Variants in KRTAP5-5 observed in about 807,000 individuals in gnomAD.
The protein encoded by KRTAP5-5 is keratin-associated protein 5-5.
In KRTAP5-5, 1 loss-of-function variant was observed where a neutral mutation model predicts 2.8. The observed-to-expected ratio is 0.35, with a 90% CI of 0.13 to 1.67. The LOEUF is 1.67. Ranked by LOEUF, KRTAP5-5 falls within the 40% of genes most tolerant of loss-of-function variation. KRTAP5-5 has a pLI of 0.35. For synonymous variants in KRTAP5-5, 83 were observed against 110.6 expected (o/e 0.75, Z 1.57); for missense variants, 134 against 270.9 (o/e 0.49, Z 3.55).
exon 1 of KRTAP5-5, chr11:1,629,911 G>A (rs1273147678): frequency 1.2e-6 from 2 of 1,602,058 alleles, no homozygotes; most frequent in Non-Finnish European, 8.5e-7. Context: ...TGTGGGGGCT[G>A]TGGCTCCGGC....
chr11:1,630,632 T>C, exon 1 of KRTAP5-5: 1 of 1,571,130 alleles, frequency 6.4e-7, no homozygotes, highest in Middle Eastern at 1.7e-4. Context: ...GGTTCTCTGG[T>C]GCTCCACTGT....
exon 1 of KRTAP5-5, chr11:1,629,839 C>A (rs1268845476): frequency 6.6e-7 from 1 of 1,518,938 alleles, no homozygotes; most frequent in African/African-American, 1.5e-5. Context: ...TCCACCAGAA[C>A]CATGGGCTGC....
At chr11:1,630,785 C>A, downstream of KRTAP5-5, 1 of 654,280 alleles carries the variant, frequency 1.5e-6, no homozygotes, top group Non-Finnish European at 2.7e-6. Context: ...AAGCGGCCCA[C>A]TGAGGCCCCA....
rs531351393 is a variant in KRTAP5-5 at position 1,629,823 on chromosome 11, C to A, written c.-18C>A. On this transcript the variant is annotated 5_prime_UTR_variant, in exon 1 of 1. Transcript: ENST00000399676. ...TCACCTGCTCCTCTACCTGCTCCAC[C>A]CTCAATCCACCAGAACCATGGGCTG... The A allele has an allele frequency of 2.5e-6, 4 of 1,609,972 alleles. No individual in the cohort carries two copies. In the African/African-American group the frequency reaches 5.4e-5, roughly 22 times the overall value.
chr11:1,630,254 C>G (rs369404931), exon 1 of KRTAP5-5: 1 of 1,508,110 alleles, frequency 6.6e-7, no homozygotes, highest in East Asian at 2.4e-5. Flanking sequence ...CCAAGGGGGG[C>G]TGTGGCTCCT....
In KRTAP5-5 at chr11:1,630,662, G is replaced by A; in HGVS notation, c.*108G>A. 5.5e-6 allele frequency: 8 copies of A among 1,448,194 alleles called. No individual in the cohort carries two copies. The South Asian group carries it at 7.4e-5, about 13-fold the overall frequency. 89.7% of individuals were successfully genotyped at this position (1,448,194 alleles called of 1,614,324 possible). On this transcript the variant is annotated 3_prime_UTR_variant, in exon 1 of 1. Transcript: ENST00000399676. ...CACTGTCTCCACTGTGTCCTCACTG[G>A]CTTCATCCACTCCACACCAGTGCTC...
chr11:1,630,669 C>G, exon 1 of KRTAP5-5: 4 of 1,373,962 alleles, frequency 2.9e-6, no homozygotes, highest in East Asian at 4.6e-5. Context: ...CTGGCTTCAT[C>G]CACTCCACAC....
At chr11:1,630,691 AAACT>A in exon 1 of KRTAP5-5, 11 of 1,145,764 alleles carry the variant, frequency 9.6e-6, no homozygotes, top group Admixed American at 4.0e-5. Flanking sequence ...AGTGCTCCCG[AAACT>A]GACTGAGGAC....
exon 1 of KRTAP5-5, chr11:1,630,163 C>A: frequency 7.1e-7 from 1 of 1,414,592 alleles, no homozygotes. Flanking sequence ...TCCAAGGGGG[C>A]CTGTGGCTCC....
chr11:1,630,051 C>A (rs201348306), exon 1 of KRTAP5-5: 2 of 1,609,350 alleles, frequency 1.2e-6, no homozygotes, highest in African/African-American at 1.4e-5. Flanking sequence ...CTGCTGCAAG[C>A]CCATGTGCTG....
At chr11:1,630,643 C>T in exon 1 of KRTAP5-5, 1 of 1,535,808 alleles carries the variant, frequency 6.5e-7, no homozygotes, top group Non-Finnish European at 9.0e-7. Context: ...GCTCCACTGT[C>T]TCCACTGTGT....
chr11:1,630,330 T>A (rs1353220276), exon 1 of KRTAP5-5: 1 of 1,613,180 alleles, frequency 6.2e-7, no homozygotes, highest in Admixed American at 1.7e-5. Flanking sequence ...CAAGCCCTGC[T>A]GCTGCTCCTC....
chr11:1,630,704 A>C, exon 1 of KRTAP5-5: 1 of 1,046,602 alleles, frequency 9.6e-7, no homozygotes. Context: ...CTGACTGAGG[A>C]CCCCTTCTGG....
chr11:1,630,699 TGAGG>T, exon 1 of KRTAP5-5: 20 of 1,068,656 alleles, frequency 1.9e-5, no homozygotes, highest in Admixed American at 6.2e-5. Flanking sequence ...CGAAACTGAC[TGAGG>T]ACCCCTTCTG....
downstream of KRTAP5-5, chr11:1,630,763 A>C (rs569568201): frequency 2.1e-5 from 15 of 714,236 alleles, no homozygotes; most frequent in African/African-American, 2.5e-4. Context: ...CTCCTCACTC[A>C]TTTAAGATCC....
chr11:1,630,340 C>T (rs1849741210), exon 1 of KRTAP5-5: 5 of 1,611,702 alleles, frequency 3.1e-6, no homozygotes, highest in Non-Finnish European at 4.2e-6. Flanking sequence ...TGCTGCTCCT[C>T]AGGCTGTGGG....
chr11:1,630,236 TGG>T lies in KRTAP5-5; in HGVS notation c.401_402del (p.Gly134ValfsTer46). On this transcript the variant is annotated frameshift_variant, in exon 1 of 1. Coordinates refer to ENST00000399676, the Ensembl canonical transcript of KRTAP5-5. LOFTEE classifies it low-confidence loss of function (END_TRUNC). Reference sequence around the variant, plus strand: ...GGTCCAAGGGGGGCTGTGGCTCCTGTGGGGGGTCCAAGGGGGGCTGTGGCTCC... The same window carrying T: ...GGTCCAAGGGGGGCTGTGGCTCCTGTGGGGTCCAAGGGGGGCTGTGGCTCC... 2 of 500,434 alleles carry T rather than the reference TGG, an allele frequency of 4.0e-6. No individual in the cohort carries two copies. The highest frequency in any genetic ancestry group is 6.7e-5 in the East Asian group (1 of 15,014). 31.0% of individuals were successfully genotyped at this position (500,434 alleles called of 1,614,324 possible). A position where few individuals can be genotyped will look rare whatever the true frequency, so the allele number is the denominator to read the frequency against.
exon 1 of KRTAP5-5, chr11:1,629,971 G>A: frequency 3.0e-6 from 2 of 659,274 alleles, no homozygotes; most frequent in Non-Finnish European, 4.2e-6. Flanking sequence ...GGCTGTGGAG[G>A]CTGTGGGGGC....
rs753122575 is a variant in KRTAP5-5, at chr11:1,630,357, TGCTGCCAGTCCAGCTGCTGTAAGCCTTA to T, written c.518_545del (p.Cys173SerfsTer69). ...CTGCTCCTCAGGCTGTGGGTCATCC[TGCTGCCAGTCCAGCTGCTGTAAGCCTTA>T]CTGCTGCCAGTCCAGCTGCTGTAAG... On this transcript the variant is annotated frameshift_variant, in exon 1 of 1. Transcript: ENST00000399676. LOFTEE classifies it low-confidence loss of function (END_TRUNC). 7.6e-7 allele frequency: 1 copy of T among 1,317,328 alleles called. No homozygotes were observed. Among genetic ancestry groups the T allele is most frequent in the African/African-American group, 2.2e-5 (1 of 46,178 alleles). The allele number at this position is 1,317,328 out of a possible 1,614,324, so 81.6% of individuals were successfully genotyped here.
Sources: allele counts gnomAD v4.1 joint callset, GRCh38; gene constraint gnomAD v4.1.1; transcripts MANE v1.5; gene names NCBI Gene and HGNC (gene_info 2026-07-23, HGNC 2026-07-21).